The following PAPSS1 variants were observed in gnomAD, a reference collection of about 807,000 sequenced individuals.
PAPSS1 encodes 3'-phosphoadenosine 5'-phosphosulfate synthase 1, also known as bifunctional 3'-phosphoadenosine 5'-phosphosulfate synthase 1.
In PAPSS1, 50 loss-of-function variants were observed where a neutral mutation model predicts 72.0. The observed-to-expected ratio is 0.69, with a 90% CI of 0.55 to 0.88. The LOEUF (loss-of-function observed/expected upper bound fraction) is 0.88. PAPSS1 is among the 40% of genes least tolerant of loss of function. The pLI, the probability that PAPSS1 is intolerant of heterozygous loss-of-function variation, is 0.00. For synonymous variants in PAPSS1, 261 were observed against 263.6 expected, an observed-to-expected ratio of 0.99 and a Z score of 0.09; for missense variants, 657 against 782.2, an observed-to-expected ratio of 0.84 and a Z score of 1.91.
chr4:107,657,151 A>G (rs1578402659), intron 6 of PAPSS1, 144 bp from the exon 7 acceptor site: 1 of 587,740 alleles, frequency 1.7e-6, no homozygotes, highest in Non-Finnish European at 3.1e-6. Flanking sequence ...CTAACAAAGA[A>G]TAAGGGCACT....
intron 11 of PAPSS1, among the ~76,000 whole-genome samples, chr4:107,629,452 G>T (rs1310151634): frequency 6.6e-6 from 1 of 152,162 alleles, no homozygotes; most frequent in Non-Finnish European, 1.5e-5. Flanking sequence ...ATCTCAGTTG[G>T]TTTGGCTTAC....
intron 4 of PAPSS1, among the ~76,000 whole-genome samples, chr4:107,684,992 G>A (rs779445025): frequency 4.6e-5 from 7 of 152,002 alleles, no homozygotes; most frequent in Non-Finnish European, 2.9e-5. Flanking sequence ...TGCAAGCTCT[G>A]CCTCCTGTGT....
chr4:107,704,831 G>T (rs1038263618), intron 1 of PAPSS1, among the ~76,000 whole-genome samples: 2 of 151,958 alleles, frequency 1.3e-5, no homozygotes, highest in Admixed American at 6.6e-5. Flanking sequence ...TGCACCTGTA[G>T]TCCCAGCTAC....
At chr4:107,624,146 C>A (rs1726035926) in intron 11 of PAPSS1, among the ~76,000 whole-genome samples, 1 of 152,166 alleles carries the variant, frequency 6.6e-6, no homozygotes, top group African/African-American at 2.4e-5. Context: ...CCTCTATGAT[C>A]CTTCTCACCC....
intron 11 of PAPSS1, among the ~76,000 whole-genome samples, chr4:107,628,184 G>A (rs570837542): frequency 3.9e-5 from 6 of 152,122 alleles, no homozygotes; most frequent in Non-Finnish European, 7.4e-5. Flanking sequence ...ACAGTTCATC[G>A]CTCAGAAAAG....
intron 5 of PAPSS1, among the ~76,000 whole-genome samples, chr4:107,669,783 A>G (rs911253846): frequency 5.9e-5 from 9 of 152,208 alleles, no homozygotes; most frequent in African/African-American, 2.2e-4. Flanking sequence ...TAAGATAAAA[A>G]TTAACAGTTT....
intron 5 of PAPSS1, among the ~76,000 whole-genome samples, chr4:107,671,734 T>G (rs1727472803): frequency 6.6e-6 from 1 of 152,224 alleles, no homozygotes; most frequent in South Asian, 2.1e-4. Context: ...GCATACAATC[T>G]ACACACATCT....
At chr4:107,631,502 G>T in intron 11 of PAPSS1, 129 bp downstream of exon 11, 3 of 605,968 alleles carry the variant, frequency 5.0e-6, no homozygotes, top group Non-Finnish European at 8.5e-6. Flanking sequence ...TACTTTTCTG[G>T]GTTTACCTTT....
chr4:107,713,211 G>A (rs577053904), intron 1 of PAPSS1, among the ~76,000 whole-genome samples: 5 of 152,116 alleles, frequency 3.3e-5, no homozygotes, highest in African/African-American at 1.2e-4. Flanking sequence ...CATTATCCTA[G>A]GTGACAAAAG....
chr4:107,719,972 C>G (rs889650289), intron 1 of PAPSS1, 148 bp downstream of exon 1: 2 of 1,431,780 alleles, frequency 1.4e-6, no homozygotes, highest in South Asian at 2.9e-5. Context: ...CCCACGGCCC[C>G]AGCCGGGAGG....
At chr4:107,615,592 A>G (rs1376714832) in intron 11 of PAPSS1, among the ~76,000 whole-genome samples, 2 of 152,224 alleles carry the variant, frequency 1.3e-5, no homozygotes, top group Middle Eastern at 3.2e-3. Flanking sequence ...GCAAAATACT[A>G]TAAATAACCT....
chr4:107,615,466 G>A lies in PAPSS1; in HGVS notation c.1737-1079C>T, dbSNP rs539493986. Among the ~76,000 whole-genome samples, 7 of 152,254 alleles carry A rather than the reference G, an allele frequency of 4.6e-5. No homozygotes were observed. In the South Asian group the frequency reaches 1.5e-3, roughly 32 times the overall value. On this transcript the variant is annotated intron_variant, in intron 11 of 11. Transcript: ENST00000265174. Reference sequence around the variant, plus strand: ...AACTACCAAGTGGCCCTGGCTTCTGGAGGTATGCCAAGTATGTTTTAACTA... The same window carrying A: ...AACTACCAAGTGGCCCTGGCTTCTGAAGGTATGCCAAGTATGTTTTAACTA...
At chr4:107,676,445 C>G (rs958167105) in intron 5 of PAPSS1, among the ~76,000 whole-genome samples, 28 of 151,942 alleles carry the variant, frequency 1.8e-4, no homozygotes, top group Non-Finnish European at 2.8e-4. Context: ...TGGCTTCAAA[C>G]AGAATAAAAT....
intron 11 of PAPSS1, among the ~76,000 whole-genome samples, chr4:107,626,603 T>C (rs556137481): frequency 6.6e-5 from 10 of 152,342 alleles, no homozygotes; most frequent in South Asian, 4.1e-4. Flanking sequence ...ACGTTTTGCC[T>C]GAAATCTTCA....
At chr4:107,713,264 A>G (rs1472638467) in intron 1 of PAPSS1, among the ~76,000 whole-genome samples, 3 of 152,306 alleles carry the variant, frequency 2.0e-5, no homozygotes, top group Admixed American at 6.5e-5. Flanking sequence ...CATTTCTAGG[A>G]AAGCCCACAA....
chr4:107,636,476 C>T (rs138383495), intron 10 of PAPSS1, among the ~76,000 whole-genome samples: 41 of 152,158 alleles, frequency 2.7e-4, no homozygotes, highest in African/African-American at 8.9e-4. Flanking sequence ...TCGTTGAATT[C>T]GCTTACTAGT....
intron 5 of PAPSS1, among the ~76,000 whole-genome samples, chr4:107,671,914 C>T (rs1222797037): frequency 1.3e-5 from 2 of 151,860 alleles, no homozygotes; most frequent in Non-Finnish European, 2.9e-5. Flanking sequence ...ATGTGGAACC[C>T]ACAGATATAG....
intron 10 of PAPSS1, among the ~76,000 whole-genome samples, chr4:107,642,402 G>T (rs1305510465): frequency 6.6e-6 from 1 of 151,746 alleles, no homozygotes; most frequent in Non-Finnish European, 1.5e-5. Flanking sequence ...CCTACTTCAG[G>T]TTCCTCACCT....
intron 3 of PAPSS1, among the ~76,000 whole-genome samples, chr4:107,690,531 G>A (rs1489575565): frequency 2.0e-5 from 3 of 152,008 alleles, no homozygotes; most frequent in Admixed American, 6.6e-5. Flanking sequence ...TCACATCTCC[G>A]CATTCCCACC....
Sources: allele counts gnomAD v4.1 joint callset (sites outside exome capture counted in the v4.1 genomes callset), GRCh38; gene constraint gnomAD v4.1.1; transcripts MANE v1.5; gene names NCBI Gene and HGNC (gene_info 2026-07-23, HGNC 2026-07-21).